Variants in CASK observed in about 807,000 individuals in gnomAD.
CASK encodes the protein calcium/calmodulin dependent serine protein kinase, also known as peripheral plasma membrane protein CASK.
In CASK, 4 loss-of-function variants were observed where a neutral mutation model predicts 82.9. The observed-to-expected ratio is 0.05, with a 90% CI of 0.02 to 0.11. The LOEUF (loss-of-function observed/expected upper bound fraction) is 0.11. Ranked by LOEUF, CASK falls within the 10% of genes least tolerant of loss-of-function variation. The probability of loss-of-function intolerance (pLI) is 1.00; values close to 1 mark genes in which losing one functional copy is unlikely to be tolerated. For synonymous variants in CASK, 259 were observed against 253.5 expected (o/e 1.02, Z -0.20); for missense variants, 358 against 720.9 (o/e 0.50, Z 5.76).
chrX:41,641,902 G>A (rs1309693833), intron 8 of CASK, among the ~76,000 whole-genome samples: 3 of 43,208 alleles, frequency 6.9e-5, no homozygotes, highest in Non-Finnish European at 1.3e-4. Flanking sequence ...CCCCTCCCCC[G>A]ACCCGACGAC....
At chrX:41,881,494 T>C (rs1314015227) in intron 1 of CASK, among the ~76,000 whole-genome samples, 1 of 110,262 alleles carries the variant, frequency 9.1e-6, no homozygotes, top group Non-Finnish European at 1.9e-5. Context: ...AACTTGCAAG[T>C]TCCATGACAG....
At chrX:41,792,021 A>T (rs1229143221) in intron 2 of CASK, among the ~76,000 whole-genome samples, 1 of 111,459 alleles carries the variant, frequency 9.0e-6, no homozygotes, top group Non-Finnish European at 1.9e-5. Flanking sequence ...GCCATATGGC[A>T]TTAGAATGAC....
Position 41,636,631 on chromosome X carries a change from G to T in CASK, c.862C>A (p.Leu288Ile). Reference protein sequence around the residue: ...ERDRYAYKIHLPETVEQLRKF... With the variant: ...ERDRYAYKIHIPETVEQLRKF... Reference sequence around the variant, plus strand: ...CTCAGCTGCTCTACTGTTTCTGGAAGATGAATCTTGTAGGCGTAACGATCC... The same window carrying T: ...CTCAGCTGCTCTACTGTTTCTGGAATATGAATCTTGTAGGCGTAACGATCC... Residue 288 changes from leucine (L) to isoleucine (I), a missense_variant, in exon 9 of 27, where the codon CTT becomes ATT. By Grantham distance (5) the Leu-to-Ile change is conservative. Around this residue, in one of 5 missense-constraint regions of CASK, gnomAD observed 110 missense variants for 218.8 expected, o/e 0.50. Coordinates refer to ENST00000378163, the MANE Select transcript of CASK (RefSeq NM_001367721.1). 8.4e-7 allele frequency: 1 copy of T among 1,191,025 alleles called. No individual in the cohort carries two copies. The highest frequency in any genetic ancestry group is 1.1e-6 in the Non-Finnish European group (1 of 876,716).
intron 16 of CASK, among the ~76,000 whole-genome samples, chrX:41,566,192 T>C (rs1394250418): frequency 1.8e-5 from 2 of 111,749 alleles, no homozygotes; most frequent in African/African-American, 6.5e-5. Context: ...GGATGCCGTC[T>C]CTCACCACTC....
chrX:41,558,790 C>T (rs778832986), intron 18 of CASK: 16 of 111,708 alleles, frequency 1.4e-4, no homozygotes, highest in Non-Finnish European at 2.6e-4. Flanking sequence ...TAATATGTAT[C>T]TTCAATAGGC....
rs2068569951 is a variant in CASK, at chrX:41,740,147, A to G, written c.357-691T>C. ...TTAAAAAATGGTAATGGGGTTAACTAGCAACCATGTGTGACAAGAGCAGTT... is the reference window on the plus strand; with the variant it reads ...TTAAAAAATGGTAATGGGGTTAACTGGCAACCATGTGTGACAAGAGCAGTT... On this transcript the variant is annotated intron_variant, in intron 4 of 26. Transcript: ENST00000378163. Among the ~76,000 whole-genome samples, 3 of 111,984 alleles carry G rather than the reference A, an allele frequency of 2.7e-5. No homozygotes were observed. The Admixed American group carries it at 2.8e-4, about 11-fold the overall frequency.
rs568637814 is a variant in CASK, at chrX:41,860,940, T to C, written c.60-7713A>G. ...GAGGTTTATTTGAAACAGCTAGCAA[T>C]GAATCTCCAATAAGCTAATGGAACA... is the stretch of plus-strand genomic sequence containing the variant. On this transcript the variant is annotated intron_variant, in intron 1 of 26. Transcript: ENST00000378163. 2.6e-4 allele frequency among the ~76,000 whole-genome samples: 29 copies of C among 112,181 alleles called. No homozygotes were observed. The South Asian group carries it at 0.01, about 39-fold the overall frequency.
intron 5 of CASK, among the ~76,000 whole-genome samples, chrX:41,685,248 C>G (rs1192465377): frequency 8.9e-6 from 1 of 111,834 alleles, no homozygotes; most frequent in Non-Finnish European, 1.9e-5. Context: ...TACATAGGTT[C>G]TAAAGTACAA....
chrX:41,844,358 G>A (rs1356265133), intron 2 of CASK, among the ~76,000 whole-genome samples: 1 of 111,332 alleles, frequency 9.0e-6, no homozygotes. Context: ...TTCTTTATGG[G>A]AAAATTTTGA....
chrX:41,562,100 G>C (rs1370781381), intron 16 of CASK: 1 of 119,398 alleles, frequency 8.4e-6, no homozygotes, highest in East Asian at 2.6e-4. Flanking sequence ...AATGCAGAAG[G>C]CTTAGAACTG....
At chrX:41,883,875 T>A (rs943383754) in intron 1 of CASK, among the ~76,000 whole-genome samples, 12 of 111,717 alleles carry the variant, frequency 1.1e-4, no homozygotes, top group Non-Finnish European at 1.9e-4. Context: ...GAAATCACCC[T>A]GTACTAGTCA....
chrX:41,643,600 T>C (rs1392005668), intron 8 of CASK, among the ~76,000 whole-genome samples: 1 of 111,719 alleles, frequency 9.0e-6, no homozygotes, highest in Non-Finnish European at 1.9e-5. Context: ...ATAGGAATGC[T>C]TGTGATTTTT....
In CASK at chrX:41,538,934, G is replaced by A. The variant is rs751217817; in HGVS notation, c.2155+3757C>T. On this transcript the variant is annotated intron_variant, in intron 22 of 26. Coordinates refer to ENST00000378163, the MANE Select transcript of CASK (RefSeq NM_001367721.1). ...GCAAAAACAGGGAGTGGTGCGGACAGTGTGTGCTGGAGAATGAGCGTCCAT... is the reference window on the plus strand; with the variant it reads ...GCAAAAACAGGGAGTGGTGCGGACAATGTGTGCTGGAGAATGAGCGTCCAT... Among the ~76,000 whole-genome samples the A allele has an allele frequency of 1.6e-3, 180 of 111,742 alleles. 1 individual carries two copies. The highest frequency in any genetic ancestry group is 5.6e-3 in the African/African-American group (173 of 30,773).
intron 12 of CASK, among the ~76,000 whole-genome samples, chrX:41,598,134 GAC>G (rs757204318): frequency 1.0e-3 from 101 of 99,220 alleles, no homozygotes; most frequent in Middle Eastern, 5.0e-3. Context: ...CTGAGGCCCT[GAC>G]ACACACACAC....
chrX:41,917,116 G>A (rs777917270), intron 1 of CASK, among the ~76,000 whole-genome samples: 2 of 112,285 alleles, frequency 1.8e-5, no homozygotes, highest in Non-Finnish European at 3.8e-5. Flanking sequence ...AAATGAAGAC[G>A]TGTCTTTAAG....
Position 41,797,110 on chromosome X carries a change from A to G in CASK, c.173-9827T>C, listed in dbSNP as rs746392791. Among the ~76,000 whole-genome samples, 3 of 108,934 alleles carry G rather than the reference A, an allele frequency of 2.8e-5. No individual in the cohort carries two copies. The East Asian group carries it at 8.6e-4, about 31-fold the overall frequency. 94.6% of individuals were successfully genotyped at this position (108,934 alleles called of 115,157 possible). On this transcript the variant is annotated intron_variant, in intron 2 of 26. Coordinates refer to ENST00000378163, the MANE Select transcript of CASK (RefSeq NM_001367721.1). ...AACAGTATAACTGGAAATAGAAGCT[A>G]GCTCTCCGGCTTCTTAGTCAAACAA...
intron 1 of CASK, among the ~76,000 whole-genome samples, chrX:41,872,389 T>C (rs2071721377): frequency 8.9e-6 from 1 of 111,888 alleles, no homozygotes; most frequent in Non-Finnish European, 1.9e-5. Flanking sequence ...CAAGAATTGA[T>C]ACTGCACTAC....
At position 41,615,043 on chromosome X, in the gene CASK, C is replaced by T. The variant is rs1013180290; in HGVS notation, c.1034-5018G>A. On this transcript the variant is annotated intron_variant, in intron 11 of 26. Transcript: ENST00000378163. The stretch of plus-strand genomic sequence containing the variant: ...CTGGTCTTGGACTCCTGAGCTAAAG[C>T]GATCCTTCTGCCTTGAGCTCCCAAA... 7.3e-5 allele frequency among the ~76,000 whole-genome samples: 8 copies of T among 109,024 alleles called. No individual in the cohort carries two copies. In the East Asian group the frequency reaches 1.4e-3, roughly 20 times the overall value. 94.7% of individuals were successfully genotyped at this position (109,024 alleles called of 115,157 possible).
In CASK at chrX:41,534,942, T is replaced by C. The variant is rs1274403090; in HGVS notation, c.2187A>G (p.Glu729=). The change falls in exon 23 of 27, where the codon GAA becomes GAG. Residue 729 remains glutamate (E), a synonymous_variant. Transcript: ENST00000378163. ...VFDQLDLVTY[E]EVVKLPAFKR... is the part of the protein sequence containing the mutation. ...TGAATGCTGGCAGTTTTACTACTTC[T>C]TCATATGTGACAAGATCTAATTGAT... 1 of 1,195,539 alleles carries C rather than the reference T, an allele frequency of 8.4e-7. No individual in the cohort carries two copies. Among genetic ancestry groups the C allele is most frequent in the African/African-American group, 1.8e-5 (1 of 57,121 alleles).
Sources: allele counts gnomAD v4.1 joint callset (sites outside exome capture counted in the v4.1 genomes callset), GRCh38; gene constraint gnomAD v4.1.1; regional missense constraint gnomAD v4.1.1; transcripts MANE v1.5; gene names NCBI Gene and HGNC (gene_info 2026-07-23, HGNC 2026-07-21).